Variants in KIAA1328 observed in about 807,000 individuals in gnomAD.
KIAA1328 encodes the protein protein hinderin.
A neutral mutation model predicts 68.1 loss-of-function variants in KIAA1328; 52 were observed. The observed-to-expected ratio is 0.76, with a 90% CI of 0.61 to 0.96. The LOEUF (loss-of-function observed/expected upper bound fraction) is 0.96. Among genes scored for constraint, KIAA1328 ranks in the 40% least tolerant of loss-of-function variants. KIAA1328 has a pLI of 0.00. For synonymous variants in KIAA1328, 232 were observed against 239.4 expected (o/e 0.97, Z 0.28); for missense variants, 641 against 677.6 (o/e 0.95, Z 0.60).
intron 7 of KIAA1328, among the ~76,000 whole-genome samples, chr18:37,116,293 G>T (rs2058104512): frequency 6.6e-6 from 1 of 152,200 alleles, no homozygotes; most frequent in Non-Finnish European, 1.5e-5. Context: ...AAACAGCATG[G>T]TACTGGTTCC....
chr18:36,938,021 T>A (rs964644389), intron 5 of KIAA1328, among the ~76,000 whole-genome samples: 1 of 152,202 alleles, frequency 6.6e-6, no homozygotes, highest in Non-Finnish European at 1.5e-5. Context: ...AGGTTGATTC[T>A]GTGTCTTGAC....
In KIAA1328 at chr18:37,067,177, AGAATTGCACATGAAG is replaced by A; in HGVS notation, c.869_883del (p.Leu290_Glu294del). ...TCCCAACAGAGAAAATGCCACAAGA[AGAATTGCACATGAAG>A]GAATGTCCACATCTTAAGCCTACTC... On this transcript the variant is annotated inframe_deletion, in exon 7 of 10. Coordinates refer to ENST00000280020, the MANE Select transcript of KIAA1328 (RefSeq NM_020776.3). The A allele has an allele frequency of 6.2e-7, 1 of 1,614,050 alleles. No individual in the cohort carries two copies. The highest frequency in any genetic ancestry group is 8.5e-7 in the Non-Finnish European group (1 of 1,179,892).
chr18:37,078,996 C>T (rs969361242), intron 7 of KIAA1328, among the ~76,000 whole-genome samples: 3 of 151,574 alleles, frequency 2.0e-5, no homozygotes, highest in East Asian at 3.9e-4. Context: ...ACCCAAAGGA[C>T]TATAAATCAT....
At chr18:37,091,048 C>G (rs747582838) in intron 7 of KIAA1328, among the ~76,000 whole-genome samples, 6 of 152,064 alleles carry the variant, frequency 3.9e-5, no homozygotes, top group Non-Finnish European at 7.4e-5. Context: ...AGATAAACTA[C>G]CTTAAATAGG....
chr18:36,870,840 C>T (rs1040436020), intron 4 of KIAA1328, among the ~76,000 whole-genome samples: 3 of 152,224 alleles, frequency 2.0e-5, no homozygotes, highest in Non-Finnish European at 2.9e-5. Context: ...AACCTTGACA[C>T]GTATGTGTTT....
chr18:36,950,036 G>C (rs1178998430), intron 5 of KIAA1328, among the ~76,000 whole-genome samples: 1 of 152,114 alleles, frequency 6.6e-6, no homozygotes, highest in Non-Finnish European at 1.5e-5. Flanking sequence ...TGAACCACTT[G>C]ATCTTGGAAT....
In KIAA1328 at chr18:36,829,155, GC is replaced by G. The variant is rs1210339595; in HGVS notation, c.21del (p.Ser8ProfsTer20). On this transcript the variant is annotated frameshift_variant, in exon 1 of 10. Transcript: ENST00000280020. LOFTEE classifies it high-confidence loss of function. MADVA[G>X]PSRPSAAAFW... Reference sequence around the variant, plus strand: ...TGTTTCAAGATGGCGGACGTGGCGGGCCCCTCCCGCCCCAGTGCCGCGGCGT... The same window carrying G: ...TGTTTCAAGATGGCGGACGTGGCGGGCCCTCCCGCCCCAGTGCCGCGGCGT... 7.8e-6 allele frequency: 12 copies of G among 1,532,820 alleles called. No individual in the cohort carries two copies. The highest frequency in any genetic ancestry group is 2.8e-5 in the African/African-American group (2 of 71,056). 95.0% of individuals were successfully genotyped at this position (1,532,820 alleles called of 1,614,324 possible). A position where few individuals can be genotyped will look rare whatever the true frequency, so the allele number is the denominator to read the frequency against.
intron 6 of KIAA1328, among the ~76,000 whole-genome samples, chr18:36,977,526 A>G (rs1190526590): frequency 1.3e-5 from 2 of 151,772 alleles, no homozygotes; most frequent in Non-Finnish European, 2.9e-5. Context: ...TTACATGTCT[A>G]CTCTTACTTG....
intron 4 of KIAA1328, among the ~76,000 whole-genome samples, chr18:36,861,857 T>C (rs1568089722): frequency 6.6e-6 from 1 of 151,818 alleles, no homozygotes; most frequent in Non-Finnish European, 1.5e-5. Flanking sequence ...TTTATAGATA[T>C]AAAAAAATCA....
intron 9 of KIAA1328, among the ~76,000 whole-genome samples, chr18:37,187,530 C>T (rs1180733762): frequency 6.6e-6 from 1 of 152,176 alleles, no homozygotes; most frequent in African/African-American, 2.4e-5. Context: ...TCTTAACATA[C>T]ATGAATAACC....
chr18:37,003,776 T>A (rs1227231087), intron 6 of KIAA1328, among the ~76,000 whole-genome samples: 5 of 152,124 alleles, frequency 3.3e-5, no homozygotes, highest in Non-Finnish European at 5.9e-5. Flanking sequence ...CGGTGAGAAA[T>A]GAGGATGCAG....
intron 6 of KIAA1328, among the ~76,000 whole-genome samples, chr18:36,967,566 A>T (rs2051994878): frequency 6.6e-6 from 1 of 152,222 alleles, no homozygotes; most frequent in Non-Finnish European, 1.5e-5. Context: ...GGAAGAATAC[A>T]CACAGAGGGC....
At chr18:36,843,603 G>T (rs2046929724) in intron 3 of KIAA1328, among the ~76,000 whole-genome samples, 1 of 152,120 alleles carries the variant, frequency 6.6e-6, no homozygotes, top group South Asian at 2.1e-4. Context: ...CTATTTAATT[G>T]CTATAATCCT....
At chr18:37,177,881 G>A (rs922020830) in intron 9 of KIAA1328, among the ~76,000 whole-genome samples, 1 of 152,062 alleles carries the variant, frequency 6.6e-6, no homozygotes. Flanking sequence ...GTACATTGTG[G>A]TGTTCCAATA....
intron 6 of KIAA1328, among the ~76,000 whole-genome samples, chr18:36,981,677 C>G (rs2052692508): frequency 6.6e-6 from 1 of 152,030 alleles, no homozygotes; most frequent in Non-Finnish European, 1.5e-5. Flanking sequence ...GCCTCTTTCT[C>G]CTAGGCTCAA....
chr18:37,129,496 C>T (rs970061992), intron 7 of KIAA1328, among the ~76,000 whole-genome samples: 8 of 151,974 alleles, frequency 5.3e-5, no homozygotes, highest in Non-Finnish European at 1.0e-4. Context: ...CCAATGAAAA[C>T]AAAATTTAAA....
chr18:37,084,300 C>A, intron 7 of KIAA1328: 1 of 810,030 alleles, frequency 1.2e-6, no homozygotes, highest in Middle Eastern at 2.4e-4. Context: ...GTTTGGTATA[C>A]TTTTATAGCT....
chr18:36,835,254 G>T lies in KIAA1328; in HGVS notation c.115G>T (p.Val39Phe). The change falls in exon 3 of 10, where the codon GTC becomes TTC. Residue 39 changes from valine to phenylalanine, a missense_variant. Physicochemically the swap from Val to Phe is conservative, Grantham distance 50 (BLOSUM62 -1). Transcript: ENST00000280020. ...YVPGISAEGN[V>F]RSRHKLMSPK... The stretch of plus-strand genomic sequence containing the variant: ...CTTAGGAATTTCTGCTGAAGGAAAT[G>T]TCAGATCAAGACACAAGCTGATGAG... 2 of 1,611,494 alleles carry T rather than the reference G, an allele frequency of 1.2e-6. No homozygotes were observed. Among genetic ancestry groups the T allele is most frequent in the Non-Finnish European group, 1.7e-6 (2 of 1,179,010 alleles).
chr18:37,064,038 A>G (rs934979549), intron 6 of KIAA1328, among the ~76,000 whole-genome samples: 1 of 152,178 alleles, frequency 6.6e-6, no homozygotes, highest in Non-Finnish European at 1.5e-5. Flanking sequence ...AGTAAGTACT[A>G]TAGAAGTTCA....
Sources: gnomAD v4.1 joint callset for allele counts (sites outside exome capture counted in the v4.1 genomes callset) on GRCh38, gnomAD v4.1.1 for gene constraint, MANE v1.5 for transcripts, NCBI Gene and HGNC (gene_info 2026-07-23, HGNC 2026-07-21) for gene names.